KRR1: variants seen among roughly 807,000 people sequenced by gnomAD.
KRR1 encodes KRR1 small subunit processome component, also known as KRR1 small subunit processome component homolog.
In KRR1, 23 loss-of-function variants were observed where a neutral mutation model predicts 50.0. The observed-to-expected ratio is 0.46, with a 90% CI of 0.33 to 0.65. The LOEUF is 0.65. Among genes scored for constraint, KRR1 ranks in the 30% least tolerant of loss-of-function variants. The probability of loss-of-function intolerance (pLI) is 0.02; values close to 1 mark genes in which losing one functional copy is unlikely to be tolerated. For synonymous variants in KRR1, 133 were observed against 146.3 expected (o/e 0.91, Z 0.66); for missense variants, 419 against 442.4 (o/e 0.95, Z 0.47).
chr12:75,501,581 C>T (rs2046394364), intron 9 of KRR1, 142 bp downstream of exon 9: 1 of 618,426 alleles, frequency 1.6e-6, no homozygotes, highest in Non-Finnish European at 2.8e-6. Context: ...TCAGCCATCC[C>T]TTGTCCTTAG....
At position 75,506,919 on chromosome 12, in the gene KRR1, A is replaced by G. The variant is rs772899329; in HGVS notation, c.259-3T>C. 8 of 1,587,440 alleles carry G rather than the reference A, an allele frequency of 5.0e-6. No homozygotes were observed. In the Admixed American group the frequency reaches 1.3e-4, roughly 26 times the overall value. On this transcript the variant is annotated splice_region_variant and splice_polypyrimidine_tract_variant and intron_variant, in intron 2 of 9. Transcript: ENST00000229214. Reference sequence around the variant, plus strand: ...AGGTCCAGGGTTGCATTAACATGCTACAGAAGGAAAGAGCAAACAAGCAGT... The same window carrying G: ...AGGTCCAGGGTTGCATTAACATGCTGCAGAAGGAAAGAGCAAACAAGCAGT...
At position 75,495,610 on chromosome 12, in the gene KRR1, A is replaced by T; in HGVS notation, c.*4199T>A. Reference sequence around the variant, plus strand: ...ACCCAACTTGGCCATATAAGAGAGGAGCCACCTGCAGTGCCTGCCCCAATA... The same window carrying T: ...ACCCAACTTGGCCATATAAGAGAGGTGCCACCTGCAGTGCCTGCCCCAATA... On this transcript the variant is annotated 3_prime_UTR_variant, in exon 10 of 10. Coordinates refer to ENST00000229214, the MANE Select transcript of KRR1 (RefSeq NM_007043.7). 6.2e-7 allele frequency: 1 copy of T among 1,611,180 alleles called. No individual in the cohort carries two copies. The highest frequency in any genetic ancestry group is 8.5e-7 in the Non-Finnish European group (1 of 1,177,398).
rs1594061639 is a variant in KRR1 at position 75,495,782 on chromosome 12, G to T, written c.*4027C>A. 1 of 603,406 alleles carries T rather than the reference G, an allele frequency of 1.7e-6. No individual in the cohort carries two copies. Among genetic ancestry groups the T allele is most frequent in the East Asian group, 2.9e-5 (1 of 35,042 alleles). The allele number at this position is 603,406 out of a possible 1,614,324, so 37.4% of individuals were successfully genotyped here. On this transcript the variant is annotated 3_prime_UTR_variant, in exon 10 of 10. Transcript: ENST00000229214. ...CTATCTTCAAGGAAACTGGCATCAA[G>T]TAGCAATTAAACCAATGGCTTACTG...
rs1431413396 is a variant in KRR1 at position 75,501,826 on chromosome 12, T to C, written c.910-10A>G. On this transcript the variant is annotated splice_polypyrimidine_tract_variant and intron_variant, in intron 8 of 9. Coordinates refer to ENST00000229214, the MANE Select transcript of KRR1 (RefSeq NM_007043.7). ...CTTCTGCTTGTTTAGCCTACATTAATAAATAAAAAATATATCAGTTAAATG... is the reference window on the plus strand; with the variant it reads ...CTTCTGCTTGTTTAGCCTACATTAACAAATAAAAAATATATCAGTTAAATG... 3.1e-6 allele frequency: 5 copies of C among 1,588,732 alleles called. No individual in the cohort carries two copies. The highest frequency in any genetic ancestry group is 4.3e-6 in the Non-Finnish European group (5 of 1,165,820).
intron 6 of KRR1, chr12:75,504,339 A>C: frequency 4.4e-6 from 1 of 228,466 alleles, no homozygotes; most frequent in East Asian, 9.0e-5. Context: ...TATTTCATTA[A>C]AACATTTAAA....
Position 75,511,603 on chromosome 12 carries a change from A to C in KRR1, c.-6T>G. ...TCCAGCGAGGGAGACGCCATTTGCA[A>C]GCTGCTTCCGGTGGCTCCGGAAATG... On this transcript the variant is annotated 5_prime_UTR_variant, in exon 1 of 10. Transcript: ENST00000229214. 6.2e-7 allele frequency: 1 copy of C among 1,613,730 alleles called. No individual in the cohort carries two copies. The highest frequency in any genetic ancestry group is 8.5e-7 in the Non-Finnish European group (1 of 1,179,770).
At chr12:75,500,122 G>A (rs1439943799) in intron 9 of KRR1, 171 bp from the exon 10 acceptor site, 3 of 468,098 alleles carry the variant, frequency 6.4e-6, no homozygotes, top group Non-Finnish European at 1.1e-5. Context: ...CTTGCCTAAA[G>A]CAGTTAGAAA....
Position 75,503,917 on chromosome 12 carries a change from T to G in KRR1, c.818A>C (p.Gln273Pro). Residue 273 changes from glutamine (Q) to proline (P), a missense_variant, in exon 7 of 10, where the codon CAA becomes CCA. Transcript: ENST00000229214. ...TTTAGTACTAACCTGACTTTCTGGT[T>G]GTGGTGGTGGGAATGGCGTATATTC... The part of the protein sequence containing the change: ...KKEYTPFPPP[Q>P]PESQIDKELA... The G allele has an allele frequency of 6.2e-7, 1 of 1,608,588 alleles. No homozygotes were observed.
In KRR1 at chr12:75,508,265, TACAC is replaced by T. The variant is rs1411306221; in HGVS notation, c.258+5_258+8del. Reference sequence around the variant, plus strand: ...CTCAAATAAATGTATTGATATAAGATACACATACATGTTCATTTAAGGCTTTCTG... The same window carrying T: ...CTCAAATAAATGTATTGATATAAGATATACATGTTCATTTAAGGCTTTCTG... On this transcript the variant is annotated splice_donor_5th_base_variant and intron_variant, in intron 2 of 9. Coordinates refer to ENST00000229214, the MANE Select transcript of KRR1 (RefSeq NM_007043.7). 6.3e-7 allele frequency: 1 copy of T among 1,588,690 alleles called. No individual in the cohort carries two copies. Among genetic ancestry groups the T allele is most frequent in the Non-Finnish European group, 8.6e-7 (1 of 1,168,790 alleles).
In KRR1 at chr12:75,494,552, A is replaced by G. The variant is rs576050612; in HGVS notation, c.*5257T>C. ...CACAAATCTTGTTTTAAACATTTTG[A>G]TAACTATTTCAATTTAATTGGTTTC... On this transcript the variant is annotated 3_prime_UTR_variant, in exon 10 of 10. Transcript: ENST00000229214. 188 of 152,332 alleles carry G rather than the reference A, an allele frequency of 1.2e-3. 1 individual carries two copies. The highest frequency in any genetic ancestry group is 4.2e-3 in the African/African-American group (176 of 41,576). 9.4% of individuals were successfully genotyped at this position (152,332 alleles called of 1,614,324 possible).
At chr12:75,510,542 T>C (rs569656856) in intron 1 of KRR1, among the ~76,000 whole-genome samples, 28 of 152,282 alleles carry the variant, frequency 1.8e-4, no homozygotes, top group South Asian at 4.1e-4. Context: ...CGGTCCACTT[T>C]CATGTATATA....
intron 5 of KRR1, among the ~76,000 whole-genome samples, chr12:75,505,715 T>C (rs1200834017): frequency 6.6e-6 from 1 of 151,970 alleles, no homozygotes; most frequent in Non-Finnish European, 1.5e-5. Context: ...AGGATTACTA[T>C]TAAAGGCCCT....
chr12:75,505,289 G>A, intron 5 of KRR1, 35 bp from the exon 6 acceptor site: 2 of 1,552,494 alleles, frequency 1.3e-6, no homozygotes, highest in South Asian at 2.4e-5. Flanking sequence ...TTAGTCACAA[G>A]GATTTTAATG....
chr12:75,492,485 G>A lies in KRR1; in HGVS notation c.*7324C>T, dbSNP rs1242685507. 1 of 152,164 alleles carries A rather than the reference G, an allele frequency of 6.6e-6. No homozygotes were observed. The highest frequency in any genetic ancestry group is 1.5e-5 in the Non-Finnish European group (1 of 68,054). 9.4% of individuals were successfully genotyped at this position (152,164 alleles called of 1,614,324 possible). ...AACCTCCAATAGATCAGGGTTACAG[G>A]ACCCATCACTTAGAGTAGCTATGAA... On this transcript the variant is annotated 3_prime_UTR_variant, in exon 10 of 10. Coordinates refer to ENST00000229214, the MANE Select transcript of KRR1 (RefSeq NM_007043.7).
rs879214210 is a variant in KRR1 at position 75,499,755 on chromosome 12, A to G, written c.*54T>C. Reference sequence around the variant, plus strand: ...ACAAATAAGGCAACTAATGCCTGATATCTCAAAATCCTTTACAAAAGGAGA... The same window carrying G: ...ACAAATAAGGCAACTAATGCCTGATGTCTCAAAATCCTTTACAAAAGGAGA... On this transcript the variant is annotated 3_prime_UTR_variant, in exon 10 of 10. Coordinates refer to ENST00000229214, the MANE Select transcript of KRR1 (RefSeq NM_007043.7). 1.1e-5 allele frequency: 15 copies of G among 1,407,176 alleles called. No individual in the cohort carries two copies. In the South Asian group the frequency reaches 2.0e-4, roughly 19 times the overall value. 87.2% of individuals were successfully genotyped at this position (1,407,176 alleles called of 1,614,324 possible).
At chr12:75,509,392 A>G (rs2046436329) in intron 1 of KRR1, among the ~76,000 whole-genome samples, 1 of 152,110 alleles carries the variant, frequency 6.6e-6, no homozygotes, top group Admixed American at 6.6e-5. Flanking sequence ...TAAGCACGGT[A>G]AAGTTTGAAA....
rs1469849845 is a variant in KRR1, at chr12:75,498,515, A to G, written c.*1294T>C. On this transcript the variant is annotated 3_prime_UTR_variant, in exon 10 of 10. Transcript: ENST00000229214. ...TAAAGTTTATGTAAAAAGTCAACTTAAAAATACCAAGTTAATTCAGTCAGT... is the reference window on the plus strand; with the variant it reads ...TAAAGTTTATGTAAAAAGTCAACTTGAAAATACCAAGTTAATTCAGTCAGT... 1 of 539,420 alleles carries G rather than the reference A, an allele frequency of 1.9e-6. No individual in the cohort carries two copies. Among genetic ancestry groups the G allele is most frequent in the Non-Finnish European group, 3.3e-6 (1 of 306,652 alleles). 33.4% of individuals were successfully genotyped at this position (539,420 alleles called of 1,614,324 possible).
intron 4 of KRR1, 26 bp downstream of exon 4, chr12:75,506,458 C>T (rs747236002): frequency 4.4e-6 from 7 of 1,604,568 alleles, no homozygotes; most frequent in East Asian, 2.3e-5. Context: ...GGAAGAGACT[C>T]AAGTTTTCCA....
intron 1 of KRR1, among the ~76,000 whole-genome samples, chr12:75,509,272 GT>G (rs2046435781): frequency 6.6e-6 from 1 of 152,144 alleles, no homozygotes; most frequent in African/African-American, 2.4e-5. Flanking sequence ...AGCACAAACT[GT>G]AAGTCTGTCA....
Sources: allele counts gnomAD v4.1 joint callset (sites outside exome capture counted in the v4.1 genomes callset), GRCh38; gene constraint gnomAD v4.1.1; transcripts MANE v1.5; gene names NCBI Gene and HGNC (gene_info 2026-07-23, HGNC 2026-07-21).